The following GRIA3 variants were observed in gnomAD, a reference collection of about 807,000 sequenced individuals.
GRIA3 encodes the protein glutamate receptor 3.
A neutral mutation model predicts 63.0 loss-of-function variants in GRIA3; 3 were observed. That is an observed-to-expected ratio of 0.05 (90% CI 0.02 to 0.12). GRIA3 has a LOEUF of 0.12. GRIA3 is among the 10% of genes least tolerant of loss of function. The pLI is 1.00. For synonymous variants in GRIA3, 274 were observed against 257.9 expected, an observed-to-expected ratio of 1.06 and a Z score of -0.60; for missense variants, 347 against 700.9, an observed-to-expected ratio of 0.50 and a Z score of 5.70.
chrX:123,463,074 T>TAAGGTA (rs2045802068), intron 12 of GRIA3, among the ~76,000 whole-genome samples: 1 of 111,255 alleles, frequency 9.0e-6, no homozygotes, highest in African/African-American at 3.3e-5. Flanking sequence ...TTCAAAAAGG[T>TAAGGTA]AAAGATGAAG....
At chrX:123,422,909 A>G (rs1256447889) in intron 11 of GRIA3, among the ~76,000 whole-genome samples, 1 of 112,609 alleles carries the variant, frequency 8.9e-6, no homozygotes, top group Admixed American at 9.4e-5. Flanking sequence ...CTTTTGTTAA[A>G]GATTACAACT....
intron 3 of GRIA3, among the ~76,000 whole-genome samples, chrX:123,256,247 A>G (rs976467163): frequency 8.9e-6 from 1 of 112,191 alleles, no homozygotes; most frequent in African/African-American, 3.2e-5. Context: ...TAAGGCTACA[A>G]TAAAAACCAC....
intron 2 of GRIA3, among the ~76,000 whole-genome samples, chrX:123,193,117 T>A (rs1927483548): frequency 9.2e-6 from 1 of 108,517 alleles, no homozygotes; most frequent in African/African-American, 3.4e-5. Flanking sequence ...TCCCAACAAG[T>A]CCGTGTCCAT....
intron 3 of GRIA3, among the ~76,000 whole-genome samples, chrX:123,285,074 A>G (rs1041975395): frequency 8.9e-6 from 1 of 111,890 alleles, no homozygotes; most frequent in Non-Finnish European, 1.9e-5. Flanking sequence ...CCTACAAGCC[A>G]GAAGAGAGTG....
intron 10 of GRIA3, among the ~76,000 whole-genome samples, chrX:123,410,122 C>T (rs2045497197): frequency 9.0e-6 from 1 of 111,643 alleles, no homozygotes; most frequent in African/African-American, 3.3e-5. Context: ...TAATGTAATC[C>T]ACATTTCTAG....
intron 3 of GRIA3, among the ~76,000 whole-genome samples, chrX:123,313,521 T>A (rs1253056264): frequency 1.8e-5 from 2 of 111,460 alleles, no homozygotes; most frequent in Non-Finnish European, 3.8e-5. Context: ...ACACTTTTCA[T>A]CTTTGGCATA....
chrX:123,332,227 A>C (rs1206599251), intron 4 of GRIA3, among the ~76,000 whole-genome samples: 1 of 111,075 alleles, frequency 9.0e-6, no homozygotes, highest in Non-Finnish European at 1.9e-5. Flanking sequence ...TAAGCTCAAG[A>C]ACAATTTGAG....
At chrX:123,386,901 A>G (rs186267400) in intron 5 of GRIA3, among the ~76,000 whole-genome samples, 2 of 111,467 alleles carry the variant, frequency 1.8e-5, no homozygotes, top group Non-Finnish European at 3.8e-5. Flanking sequence ...TGATGCCTCC[A>G]GCTTTGTTCT....
chrX:123,204,402 G>A (rs748448010), intron 2 of GRIA3: 56 of 1,154,240 alleles, frequency 4.9e-5, no homozygotes, highest in African/African-American at 1.4e-4. Context: ...TGTTCAAGGC[G>A]TTACAGGTGA....
chrX:123,253,243 T>G (rs1265277183), intron 2 of GRIA3, 60 bp from the exon 3 acceptor site: 25 of 1,177,747 alleles, frequency 2.1e-5, no homozygotes, highest in Non-Finnish European at 3.5e-6. Context: ...TTTCTAACCC[T>G]ACAAGTTGCA....
At chrX:123,236,937 T>C (rs2044305251) in intron 2 of GRIA3, among the ~76,000 whole-genome samples, 1 of 111,723 alleles carries the variant, frequency 9.0e-6, no homozygotes, top group South Asian at 3.7e-4. Flanking sequence ...TTTACACACA[T>C]GAGGCAAGCA....
At chrX:123,477,874 T>G (rs1386451243) in intron 13 of GRIA3, among the ~76,000 whole-genome samples, 1 of 111,487 alleles carries the variant, frequency 9.0e-6, no homozygotes, top group Non-Finnish European at 1.9e-5. Context: ...TTGAAGAACA[T>G]ATTACCGGGA....
chrX:123,419,585 C>A (rs942220955), intron 11 of GRIA3, among the ~76,000 whole-genome samples: 1 of 110,777 alleles, frequency 9.0e-6, no homozygotes, highest in Admixed American at 9.6e-5. Context: ...TTGCAGGGAG[C>A]AGAGAGGGGA....
chrX:123,374,575 T>C (rs1365683133), intron 5 of GRIA3, among the ~76,000 whole-genome samples: 1 of 111,610 alleles, frequency 9.0e-6, no homozygotes, highest in Non-Finnish European at 1.9e-5. Flanking sequence ...CCTTCACATC[T>C]CTTGTAAGTT....
chrX:123,255,252 G>A (rs2044413021), intron 3 of GRIA3, among the ~76,000 whole-genome samples: 1 of 111,674 alleles, frequency 9.0e-6, no homozygotes, highest in Admixed American at 9.5e-5. Flanking sequence ...CAAGAGAGAA[G>A]GGAGATGGGG....
In GRIA3 at chrX:123,489,596, T is replaced by C. The variant is rs1211967893; in HGVS notation, c.*886T>C. ...CACAGATCTGTTTTTCTTGCTTCAG[T>C]GTGCATTTTAAGTCAATAGAGCTGA... is the stretch of plus-strand genomic sequence containing the variant. On this transcript the variant is annotated 3_prime_UTR_variant, in exon 16 of 16. Coordinates refer to ENST00000620443, the MANE Select transcript of GRIA3 (RefSeq NM_007325.5). The C allele has an allele frequency of 2.7e-5, 3 of 112,274 alleles. No homozygotes were observed. The highest frequency in any genetic ancestry group is 5.6e-5 in the Non-Finnish European group (3 of 53,199). 9.3% of individuals were successfully genotyped at this position (112,274 alleles called of 1,213,427 possible).
chrX:123,465,835 T>C (rs1342197610), intron 13 of GRIA3: 4 of 848,277 alleles, frequency 4.7e-6, no homozygotes, highest in Non-Finnish European at 7.1e-6. Context: ...TGACGAGTAA[T>C]CGGCAAGACT....
At chrX:123,438,453 C>A (rs2045656629) in intron 12 of GRIA3, among the ~76,000 whole-genome samples, 1 of 112,485 alleles carries the variant, frequency 8.9e-6, no homozygotes, top group Non-Finnish European at 1.9e-5. Flanking sequence ...CAAATCCCTG[C>A]TTTCAATTCT....
intron 4 of GRIA3, among the ~76,000 whole-genome samples, chrX:123,347,511 G>C (rs779306314): frequency 2.1e-4 from 24 of 112,179 alleles, no homozygotes; most frequent in Admixed American, 8.5e-4. Flanking sequence ...AGGATATCAA[G>C]TGCTGGAAGC....
Sources: allele counts gnomAD v4.1 joint callset (sites outside exome capture counted in the v4.1 genomes callset), GRCh38; gene constraint gnomAD v4.1.1; transcripts MANE v1.5; gene names NCBI Gene and HGNC (gene_info 2026-07-23, HGNC 2026-07-21).